ZMAT3: variants seen among roughly 807,000 people sequenced by gnomAD.
ZMAT3 encodes the protein zinc finger matrin-type protein 3.
Under a neutral mutation model 32.3 loss-of-function variants are expected in ZMAT3, and 17 were observed. The observed-to-expected ratio is 0.53, with a 90% CI of 0.36 to 0.79. The LOEUF (loss-of-function observed/expected upper bound fraction) is 0.79. ZMAT3 is among the 30% of genes least tolerant of loss of function. The pLI, the probability that ZMAT3 is intolerant of heterozygous loss-of-function variation, is 0.00. For synonymous variants in ZMAT3, 120 were observed against 133.1 expected (o/e 0.90, Z 0.68); for missense variants, 329 against 359.7 (o/e 0.91, Z 0.69).
chr3:179,062,461 C>G (rs992236135), intron 2 of ZMAT3, among the ~76,000 whole-genome samples: 1 of 152,062 alleles, frequency 6.6e-6, no homozygotes, highest in Non-Finnish European at 1.5e-5. Flanking sequence ...AGGAATCAAA[C>G]TTGGACAAAA....
intron 2 of ZMAT3, among the ~76,000 whole-genome samples, chr3:179,064,341 A>T (rs1009328583): frequency 5.9e-5 from 9 of 152,166 alleles, no homozygotes; most frequent in African/African-American, 2.2e-4. Flanking sequence ...TTTTACATCC[A>T]TCATCTCATT....
chr3:179,022,449 A>G lies in ZMAT3; in HGVS notation c.*2568T>C, dbSNP rs553410987. On this transcript the variant is annotated 3_prime_UTR_variant, in exon 6 of 6. Coordinates refer to ENST00000311417, the MANE Select transcript of ZMAT3 (RefSeq NM_022470.4). ...TGTGTGTGGGGGTATGCATACACAC[A>G]CATCTACCTATGGAGGAAAAAAACT... is the stretch of plus-strand genomic sequence containing the variant. The G allele has an allele frequency of 6.6e-6, 1 of 152,252 alleles. No homozygotes were observed. The highest frequency in any genetic ancestry group is 2.1e-4 in the South Asian group (1 of 4,814). The allele number at this position is 152,252 out of a possible 1,614,324, so 9.4% of individuals were successfully genotyped here. A position where few individuals can be genotyped will look rare whatever the true frequency, so the allele number is the denominator to read the frequency against.
chr3:179,045,839 C>G (rs1419303672), intron 2 of ZMAT3, among the ~76,000 whole-genome samples: 3 of 152,070 alleles, frequency 2.0e-5, no homozygotes, highest in Non-Finnish European at 4.4e-5. Context: ...CAACAATAAC[C>G]AAAAAAGGGA....
chr3:179,017,331 C>G lies in ZMAT3; in HGVS notation c.*7686G>C, dbSNP rs1328515980. ...CAGTACATAAGTGAGGATACACAGC[C>G]AAAATGAGCCATCAACAAAAGCAGT... On this transcript the variant is annotated 3_prime_UTR_variant, in exon 6 of 6. Coordinates refer to ENST00000311417, the MANE Select transcript of ZMAT3 (RefSeq NM_022470.4). The G allele has an allele frequency of 6.6e-6, 1 of 152,054 alleles. No individual in the cohort carries two copies. The highest frequency in any genetic ancestry group is 1.5e-5 in the Non-Finnish European group (1 of 68,000). 9.4% of individuals were successfully genotyped at this position (152,054 alleles called of 1,614,324 possible).
intron 2 of ZMAT3, among the ~76,000 whole-genome samples, chr3:179,031,599 T>C (rs1299945263): frequency 6.6e-6 from 1 of 152,102 alleles, no homozygotes; most frequent in East Asian, 1.9e-4. Flanking sequence ...ATTAATTTCC[T>C]GTATGTTTCT....
chr3:179,039,581 C>T (rs1183788092), intron 2 of ZMAT3, among the ~76,000 whole-genome samples: 1 of 152,126 alleles, frequency 6.6e-6, no homozygotes, highest in East Asian at 1.9e-4. Flanking sequence ...TGTAGGTCAC[C>T]AACATCAAAG....
At chr3:179,032,967 G>A (rs571028812) in intron 2 of ZMAT3, among the ~76,000 whole-genome samples, 8 of 152,140 alleles carry the variant, frequency 5.3e-5, no homozygotes, top group South Asian at 2.1e-4. Flanking sequence ...CTGCCCGGCC[G>A]CCACCCCATC....
intron 2 of ZMAT3, among the ~76,000 whole-genome samples, chr3:179,050,945 G>A (rs1720522437): frequency 6.6e-6 from 1 of 152,118 alleles, no homozygotes; most frequent in Admixed American, 6.5e-5. Flanking sequence ...ATCCCTTTAT[G>A]GTTAAAACCC....
At position 179,025,095 on chromosome 3, in the gene ZMAT3, A is replaced by G. The variant is rs2108532855; in HGVS notation, c.792T>C (p.His264=). 1 of 1,614,238 alleles carries G rather than the reference A, an allele frequency of 6.2e-7. No individual in the cohort carries two copies. The highest frequency in any genetic ancestry group is 2.2e-5 in the East Asian group (1 of 44,888). Residue 264 remains histidine (H), a synonymous_variant, in exon 6 of 6, where the codon CAT becomes CAC. Transcript: ENST00000311417. The part of the protein sequence containing the change: ...GAGEEMEFRQ[H]LESKQHKSKV... ...TGCTCTTATGTTGCTTGCTCTCTAA[A>G]TGCTGCCGGAATTCCATCTCTTCGC...
chr3:179,057,522 G>C (rs1318568644), intron 2 of ZMAT3, among the ~76,000 whole-genome samples: 1 of 152,126 alleles, frequency 6.6e-6, no homozygotes, highest in Non-Finnish European at 1.5e-5. Flanking sequence ...ATAATACCTG[G>C]ACACTCCTGT....
chr3:179,050,286 TG>T (rs1212181409), intron 2 of ZMAT3, among the ~76,000 whole-genome samples: 6 of 151,902 alleles, frequency 3.9e-5, no homozygotes, highest in African/African-American at 1.2e-4. Context: ...AGAAATGAAA[TG>T]GGAGATATTA....
chr3:179,063,681 GA>G (rs1282076882), intron 2 of ZMAT3, among the ~76,000 whole-genome samples: 1 of 152,184 alleles, frequency 6.6e-6, no homozygotes. Context: ...CATTTATGCT[GA>G]TGAAACAGTG....
chr3:179,039,436 C>G (rs557692519), intron 2 of ZMAT3, among the ~76,000 whole-genome samples: 2 of 152,354 alleles, frequency 1.3e-5, no homozygotes, highest in East Asian at 3.9e-4. Context: ...GATACCCAGG[C>G]AAACCGGGTC....
Position 179,022,220 on chromosome 3 carries a change from C to T in ZMAT3, c.*2797G>A, listed in dbSNP as rs1718581227. 6.6e-6 allele frequency: 1 copy of T among 152,122 alleles called. No homozygotes were observed. The highest frequency in any genetic ancestry group is 1.9e-4 in the East Asian group (1 of 5,192). The allele number at this position is 152,122 out of a possible 1,614,324, so 9.4% of individuals were successfully genotyped here. ...CCACAAGGCCTGAAAAAACATCAAGCCCTTAAGTCGGCTGCTTTTTCTACG... is the reference window on the plus strand; with the variant it reads ...CCACAAGGCCTGAAAAAACATCAAGTCCTTAAGTCGGCTGCTTTTTCTACG... On this transcript the variant is annotated 3_prime_UTR_variant, in exon 6 of 6. Coordinates refer to ENST00000311417, the MANE Select transcript of ZMAT3 (RefSeq NM_022470.4).
intron 2 of ZMAT3, among the ~76,000 whole-genome samples, chr3:179,031,812 C>T (rs1477687272): frequency 6.6e-6 from 1 of 151,752 alleles, no homozygotes; most frequent in Non-Finnish European, 1.5e-5. Flanking sequence ...GAGGCTGAGG[C>T]AGGAGAACCA....
chr3:179,063,489 T>C (rs539825186), intron 2 of ZMAT3, among the ~76,000 whole-genome samples: 1 of 152,400 alleles, frequency 6.6e-6, no homozygotes, highest in Middle Eastern at 3.4e-3. Context: ...TAGAAAGCCA[T>C]GTTTATGACA....
intron 2 of ZMAT3, among the ~76,000 whole-genome samples, chr3:179,034,462 C>T (rs1719473912): frequency 6.6e-6 from 1 of 152,222 alleles, no homozygotes; most frequent in Admixed American, 6.5e-5. Context: ...CTCTATCAGA[C>T]CTCTAAACTC....
chr3:179,071,446 G>T (rs1468684869), intron 1 of ZMAT3, 149 bp downstream of exon 1: 2 of 152,308 alleles, frequency 1.3e-5, no homozygotes, highest in Non-Finnish European at 2.9e-5. Flanking sequence ...CACGTGAAAT[G>T]CCTGAAACAA....
rs1718768986 is a variant in ZMAT3, at chr3:179,024,766, A to G, written c.*251T>C. 2.3e-6 allele frequency: 1 copy of G among 441,916 alleles called. No individual in the cohort carries two copies. The highest frequency in any genetic ancestry group is 1.9e-5 in the African/African-American group (1 of 51,434). The allele number at this position is 441,916 out of a possible 1,614,324, so 27.4% of individuals were successfully genotyped here. ...ATTTCTGATGGGGTAGGTAGGTCAC[A>G]TGCTATGAGCGGCTCAACACCATTG... On this transcript the variant is annotated 3_prime_UTR_variant, in exon 6 of 6. Transcript: ENST00000311417.
Sources: gnomAD v4.1 joint callset for allele counts (sites outside exome capture counted in the v4.1 genomes callset) on GRCh38, gnomAD v4.1.1 for gene constraint, MANE v1.5 for transcripts, NCBI Gene and HGNC (gene_info 2026-07-23, HGNC 2026-07-21) for gene names.